The following CLSTN2 variants were observed in gnomAD, a reference collection of about 807,000 sequenced individuals.
CLSTN2 encodes the protein calsyntenin 2, also known as calsyntenin-2.
In CLSTN2, 48 loss-of-function variants were observed where a neutral mutation model predicts 101.2. The ratio of observed to expected loss-of-function variants is 0.47; its 90% CI spans 0.38 to 0.60. The LOEUF (loss-of-function observed/expected upper bound fraction) is 0.60, where lower values mean the gene tolerates loss of function less well. Among genes scored for constraint, CLSTN2 ranks in the 20% least tolerant of loss-of-function variants. The probability of loss-of-function intolerance (pLI) is 0.00; values close to 1 mark genes in which losing one functional copy is unlikely to be tolerated. For missense variants in CLSTN2, 1,160 were observed against 1,238.2 expected, an observed-to-expected ratio of 0.94 and a Z score of 0.95; for synonymous variants, 481 against 463.6, an observed-to-expected ratio of 1.04 and a Z score of -0.48.
chr3:140,348,477 C>G (rs926572869), intron 2 of CLSTN2, among the ~76,000 whole-genome samples: 42 of 152,296 alleles, frequency 2.8e-4, no homozygotes, highest in African/African-American at 9.9e-4. Flanking sequence ...ACCCCCTACC[C>G]CAGTCACTAA....
At chr3:140,358,206 GC>G (rs1287720954) in intron 2 of CLSTN2, among the ~76,000 whole-genome samples, 3 of 151,998 alleles carry the variant, frequency 2.0e-5, no homozygotes, top group African/African-American at 7.3e-5. Flanking sequence ...ACATGGCCAA[GC>G]CCCCCCTCCA....
intron 8 of CLSTN2, among the ~76,000 whole-genome samples, chr3:140,486,506 A>G (rs1391440842): frequency 1.3e-5 from 2 of 152,204 alleles, no homozygotes; most frequent in African/African-American, 4.8e-5. Context: ...AAGTGTTACA[A>G]TGTTAACTCT....
intron 8 of CLSTN2, among the ~76,000 whole-genome samples, chr3:140,519,764 A>G (rs2107772755): frequency 6.6e-6 from 1 of 152,258 alleles, no homozygotes; most frequent in Non-Finnish European, 1.5e-5. Flanking sequence ...CTCTTTATCC[A>G]GCTTGCCATT....
chr3:140,122,695 GA>G (rs1219608441), intron 1 of CLSTN2, among the ~76,000 whole-genome samples: 1 of 152,178 alleles, frequency 6.6e-6, no homozygotes, highest in African/African-American at 2.4e-5. Flanking sequence ...ACCCTCTCCA[GA>G]GGCCCCCAAG....
chr3:140,068,729 TAAG>T (rs2107775893), intron 1 of CLSTN2, among the ~76,000 whole-genome samples: 2 of 152,312 alleles, frequency 1.3e-5, no homozygotes, highest in South Asian at 4.1e-4. Context: ...CAATTCCTAA[TAAG>T]AAGACCAATT....
intron 9 of CLSTN2, among the ~76,000 whole-genome samples, chr3:140,534,794 G>GA: frequency 6.6e-6 from 1 of 152,208 alleles, no homozygotes; most frequent in East Asian, 1.9e-4. Flanking sequence ...GTATCTAGAA[G>GA]AAAAATTGAA....
At chr3:140,151,264 CG>C (rs1560110171) in intron 1 of CLSTN2, among the ~76,000 whole-genome samples, 1 of 151,882 alleles carries the variant, frequency 6.6e-6, no homozygotes, top group Admixed American at 6.6e-5. Context: ...ATTAGTGGTT[CG>C]GGGATACCTT....
Position 140,564,664 on chromosome 3 carries a change from T to C in CLSTN2, c.2667+519T>C, listed in dbSNP as rs201486073. On this transcript the variant is annotated intron_variant, in intron 16 of 16. Transcript: ENST00000458420. ...TATAGAGTGCTCTATATACACCACC[T>C]CATTTAATCTTCCAACAGCCAATAA... Among the ~76,000 whole-genome samples the C allele has an allele frequency of 2.0e-5, 3 of 152,272 alleles. No homozygotes were observed. The East Asian group carries it at 5.8e-4, about 29-fold the overall frequency.
At chr3:140,484,426 A>G (rs903379257) in intron 8 of CLSTN2, among the ~76,000 whole-genome samples, 1 of 152,092 alleles carries the variant, frequency 6.6e-6, no homozygotes, top group African/African-American at 2.4e-5. Flanking sequence ...TTTGGTGAAT[A>G]TGACAATTAT....
chr3:140,142,551 A>G (rs2009717767), intron 1 of CLSTN2, among the ~76,000 whole-genome samples: 1 of 152,226 alleles, frequency 6.6e-6, no homozygotes. Flanking sequence ...TCCATAAATT[A>G]TAGCAAAGGT....
chr3:140,555,631 G>C (rs926631381), intron 10 of CLSTN2, among the ~76,000 whole-genome samples: 1 of 152,256 alleles, frequency 6.6e-6, no homozygotes, highest in East Asian at 1.9e-4. Context: ...ATGAGCATTC[G>C]ATATATACTC....
intron 1 of CLSTN2, among the ~76,000 whole-genome samples, chr3:139,958,689 G>T (rs548872060): frequency 6.6e-6 from 1 of 151,726 alleles, no homozygotes; most frequent in South Asian, 2.1e-4. Flanking sequence ...CTCGGGATTT[G>T]ACGACAGTCT....
chr3:140,349,931 T>A (rs536965233), intron 2 of CLSTN2, among the ~76,000 whole-genome samples: 1 of 152,300 alleles, frequency 6.6e-6, no homozygotes, highest in East Asian at 1.9e-4. Context: ...CAAGACCACC[T>A]CTGACATCCT....
chr3:140,090,474 T>C (rs1001357343), intron 1 of CLSTN2, among the ~76,000 whole-genome samples: 6 of 152,176 alleles, frequency 3.9e-5, no homozygotes, highest in South Asian at 4.2e-4. Context: ...ATCTGCTACA[T>C]TGAAGATCAG....
At chr3:140,530,160 G>A (rs1935224170) in intron 8 of CLSTN2, among the ~76,000 whole-genome samples, 2 of 152,214 alleles carry the variant, frequency 1.3e-5, no homozygotes, top group South Asian at 4.1e-4. Flanking sequence ...TATAATAGCT[G>A]TTACATAATT....
At chr3:140,501,305 C>G (rs1934572239) in intron 8 of CLSTN2, among the ~76,000 whole-genome samples, 1 of 152,236 alleles carries the variant, frequency 6.6e-6, no homozygotes, top group South Asian at 2.1e-4. Flanking sequence ...CTCTAATGCT[C>G]TTTGGAGGCT....
At chr3:139,978,648 TTGTGTGTG>T (rs552137591) in intron 1 of CLSTN2, among the ~76,000 whole-genome samples, 21,319 of 135,162 alleles carry the variant, frequency 0.16, 1,933 homozygotes, top group African/African-American at 0.25. Flanking sequence ...GGATGGGGGA[TTGTGTGTG>T]TGTGTGTGTG....
rs146265710 is a variant in CLSTN2, at chr3:139,937,677, G to A, written c.109+2194G>A. ...GAGAATCACTTGAACCCGGGAGGCA[G>A]AGGTTTCAATGAGCCGAGATCGCGC... On this transcript the variant is annotated intron_variant, in intron 1 of 16. Coordinates refer to ENST00000458420, the MANE Select transcript of CLSTN2 (RefSeq NM_022131.3). Among the ~76,000 whole-genome samples the A allele has an allele frequency of 9.5e-3, 1,450 of 152,172 alleles. 19 individuals carry two copies. Among genetic ancestry groups the A allele is most frequent in the African/African-American group, 0.032 (1,326 of 41,502 alleles).
At chr3:139,961,613 T>G (rs940434373) in intron 1 of CLSTN2, among the ~76,000 whole-genome samples, 7 of 152,348 alleles carry the variant, frequency 4.6e-5, no homozygotes, top group Non-Finnish European at 1.0e-4. Context: ...AGAAGACATT[T>G]CTACATTTTC....
Sources: gnomAD v4.1 joint callset for allele counts (sites outside exome capture counted in the v4.1 genomes callset) on GRCh38, gnomAD v4.1.1 for gene constraint, MANE v1.5 for transcripts, NCBI Gene and HGNC (gene_info 2026-07-23, HGNC 2026-07-21) for gene names.